The following TMPRSS6 variants were observed in gnomAD, a reference collection of about 807,000 sequenced individuals.
The protein encoded by TMPRSS6 is transmembrane protease serine 6.
TMPRSS6 carries 67 observed loss-of-function variants against 101.5 expected under a neutral mutation model. That is an observed-to-expected ratio of 0.66 (90% CI 0.54 to 0.81). TMPRSS6 has a LOEUF of 0.81. TMPRSS6 is among the 30% of genes least tolerant of loss of function. TMPRSS6 has a pLI of 0.00. For synonymous variants in TMPRSS6, 453 were observed against 464.9 expected (o/e 0.97, Z 0.33); for missense variants, 1,034 against 1,088.7 (o/e 0.95, Z 0.71).
At chr22:37,087,009 G>A (rs535562278) in intron 7 of TMPRSS6, among the ~76,000 whole-genome samples, 105 of 152,230 alleles carry the variant, frequency 6.9e-4, no homozygotes, top group African/African-American at 2.5e-3. Flanking sequence ...TGACACTGTT[G>A]GGGTCAGCTG....
At chr22:37,104,301 A>T (rs1349818820) in intron 1 of TMPRSS6, among the ~76,000 whole-genome samples, 1 of 152,120 alleles carries the variant, frequency 6.6e-6, no homozygotes, top group Non-Finnish European at 1.5e-5. Context: ...TTTACAGATT[A>T]AAAAAACCCT....
At chr22:37,085,383 C>T (rs977931479) in intron 8 of TMPRSS6, among the ~76,000 whole-genome samples, 1 of 152,232 alleles carries the variant, frequency 6.6e-6, no homozygotes, top group Non-Finnish European at 1.5e-5. Flanking sequence ...CCCAAGGGAA[C>T]AGCTCTGCTA....
At chr22:37,108,791 G>GGCAGA (rs1282319175) in intron 1 of TMPRSS6, among the ~76,000 whole-genome samples, 3 of 152,118 alleles carry the variant, frequency 2.0e-5, no homozygotes, top group East Asian at 1.9e-4. Flanking sequence ...CCTCAGCCAG[G>GGCAGA]GCAGAGCAGA....
intron 1 of TMPRSS6, among the ~76,000 whole-genome samples, chr22:37,107,053 G>A (rs562853211): frequency 7.9e-5 from 12 of 152,350 alleles, no homozygotes; most frequent in Admixed American, 4.6e-4. Context: ...CGCACAGCCC[G>A]TCACATGAGT....
chr22:37,085,293 C>T (rs529964926), intron 8 of TMPRSS6, among the ~76,000 whole-genome samples: 2 of 152,194 alleles, frequency 1.3e-5, no homozygotes, highest in Non-Finnish European at 2.9e-5. Context: ...GGAGCATGCT[C>T]ACCTGCCCTG....
intron 6 of TMPRSS6, among the ~76,000 whole-genome samples, chr22:37,090,607 A>G (rs755084114): frequency 3.3e-5 from 5 of 152,212 alleles, no homozygotes; most frequent in Non-Finnish European, 7.3e-5. Flanking sequence ...CTCAATGCCC[A>G]CAACAGCTGT....
At chr22:37,067,578 C>A (rs1309314912) in intron 16 of TMPRSS6, among the ~76,000 whole-genome samples, 2 of 152,128 alleles carry the variant, frequency 1.3e-5, no homozygotes, top group Non-Finnish European at 2.9e-5. Context: ...CTGGCTGGCT[C>A]CTCGCTGCTC....
rs1459113333 is a variant in TMPRSS6, at chr22:37,066,151, G to A, written c.2338C>T (p.Arg780Trp). 4 of 1,613,244 alleles carry A rather than the reference G, an allele frequency of 2.5e-6. No homozygotes were observed. Among genetic ancestry groups the A allele is most frequent in the Non-Finnish European group, 3.4e-6 (4 of 1,179,998 alleles). ...GLVSWGLGCG[R>W]PNYFGVYTRI... The stretch of plus-strand genomic sequence containing the variant: ...GTGTAGACGCCGAAGTAGTTAGGCC[G>A]GCCACAGCCCAGGCCCCAGCTGACC... Residue 780 changes from arginine (R) to tryptophan (W), a missense_variant, in exon 18 of 18, where the codon CGG becomes TGG. Transcript: ENST00000676104.
intron 3 of TMPRSS6, 23 bp from the exon 4 acceptor site, chr22:37,096,738 C>T (rs758549789): frequency 1.9e-6 from 3 of 1,556,482 alleles, no homozygotes; most frequent in Admixed American, 1.9e-5. Flanking sequence ...AAGACAACAG[C>T]CCCTGGGACC....
At chr22:37,068,587 C>T (rs1477729203) in intron 16 of TMPRSS6, 2 of 779,602 alleles carry the variant, frequency 2.6e-6, no homozygotes, top group Non-Finnish European at 2.4e-6. Context: ...CTAATCTTTG[C>T]TCCAGTCCTC....
At chr22:37,105,613 C>A (rs1468027576) in intron 1 of TMPRSS6, among the ~76,000 whole-genome samples, 1 of 152,150 alleles carries the variant, frequency 6.6e-6, no homozygotes, top group Non-Finnish European at 1.5e-5. Context: ...TGGCTCCTTG[C>A]CCTTCTTTCA....
rs950656685 is a variant in TMPRSS6, at chr22:37,092,220, C to T, written c.632-2438G>A. Among the ~76,000 whole-genome samples, 2 of 152,102 alleles carry T rather than the reference C, an allele frequency of 1.3e-5. 1 individual carries two copies. The highest frequency in any genetic ancestry group is 1.3e-4 in the Admixed American group (2 of 15,286). ...TTAACTGAACACGCCTTGGGTGTTCCCCTCCCCCAGCCTTTGCCCCTGCCA... is the reference window on the plus strand; with the variant it reads ...TTAACTGAACACGCCTTGGGTGTTCTCCTCCCCCAGCCTTTGCCCCTGCCA... On this transcript the variant is annotated intron_variant, in intron 6 of 17. Transcript: ENST00000676104.
At chr22:37,086,501 A>C in intron 7 of TMPRSS6, 82 bp from the exon 8 acceptor site, 1 of 914,996 alleles carries the variant, frequency 1.1e-6, no homozygotes, top group Non-Finnish European at 1.7e-6. Context: ...CTGCTGGGGG[A>C]GGGTGGACGG....
At chr22:37,109,149 G>C (rs898772278) in intron 1 of TMPRSS6, among the ~76,000 whole-genome samples, 1 of 152,156 alleles carries the variant, frequency 6.6e-6, no homozygotes, top group Non-Finnish European at 1.5e-5. Context: ...AGGCCCAGGT[G>C]GGGTACCGGG....
At position 37,103,222 on chromosome 22, in the gene TMPRSS6, A is replaced by C; in HGVS notation, c.196T>G (p.Phe66Val). The C allele has an allele frequency of 6.2e-7, 1 of 1,613,908 alleles. No homozygotes were observed. The highest frequency in any genetic ancestry group is 1.1e-5 in the South Asian group (1 of 91,084). The change falls in exon 2 of 18, where the codon TTC (phenylalanine) becomes GTC (valine). Residue 66 changes from phenylalanine to valine, a missense_variant. By Grantham distance (50) the Phe-to-Val change is conservative. Transcript: ENST00000676104. The surrounding 1 kb of genome is among the most constrained non-coding windows in gnomAD (Gnocchi z 4.4). ...LASAGVLLWY[F>V]LGYKAEVMVS... is the part of the protein sequence containing the mutation. ...GGCGGTCCCACAACGTTACCTAGGA[A>C]ATACCAGAGTAGCACCCCCGCCGAA...
At position 37,086,457 on chromosome 22, in the gene TMPRSS6, C is replaced by A. The variant is rs1338556756; in HGVS notation, c.837-38G>T. On this transcript the variant is annotated intron_variant, in intron 7 of 17. Transcript: ENST00000676104. ...AAAGGTGGCAAGGCTGGGCTGGGGT[C>A]TGGGAGGGGAGTGGCAGGGAGGGCG... is the stretch of plus-strand genomic sequence containing the variant. 2.0e-6 allele frequency: 3 copies of A among 1,512,994 alleles called. No individual in the cohort carries two copies. The Admixed American group carries it at 6.0e-5, about 30-fold the overall frequency. The allele number at this position is 1,512,994 out of a possible 1,614,324, so 93.7% of individuals were successfully genotyped here.
At position 37,096,673 on chromosome 22, in the gene TMPRSS6, TG is replaced by T; in HGVS notation, c.378del (p.Tyr126Ter). The T allele has an allele frequency of 1.3e-6, 2 of 1,566,984 alleles. No individual in the cohort carries two copies. The highest frequency in any genetic ancestry group is 2.3e-5 in the East Asian group (1 of 42,942). On this transcript the variant is annotated frameshift_variant, in exon 4 of 18. Coordinates refer to ENST00000676104, the MANE Select transcript of TMPRSS6 (RefSeq NM_001374504.1). LOFTEE classifies it high-confidence loss of function. ...LITSTRLGTY[Y>X]NSSSVYSFGE... ...CCAAAGGAATAGACGGAGCTGGAGT[TG>T]TAGTAAGTTCCCAGGCGGGTGCTGG...
chr22:37,073,247 G>A (rs987309786), intron 13 of TMPRSS6, among the ~76,000 whole-genome samples: 1 of 152,068 alleles, frequency 6.6e-6, no homozygotes, highest in African/African-American at 2.4e-5. Flanking sequence ...TAGATTGACA[G>A]TTTGATGATA....
chr22:37,067,209 G>T (rs1287319327), intron 16 of TMPRSS6, among the ~76,000 whole-genome samples: 1 of 152,204 alleles, frequency 6.6e-6, no homozygotes, highest in Admixed American at 6.5e-5. Flanking sequence ...GGTGGCTCAT[G>T]CCTGTAATCC....
Sources: allele counts gnomAD v4.1 joint callset (sites outside exome capture counted in the v4.1 genomes callset), GRCh38; gene constraint gnomAD v4.1.1; non-coding constraint Gnocchi (gnomAD v3.1); transcripts MANE v1.5; gene names NCBI Gene and HGNC (gene_info 2026-07-23, HGNC 2026-07-21).